The following KATNA1 variants were observed in gnomAD, a reference collection of about 807,000 sequenced individuals.
KATNA1 encodes katanin p60 ATPase-containing subunit A1.
In KATNA1, 42 loss-of-function variants were observed where a neutral mutation model predicts 62.6. The ratio of observed to expected loss-of-function variants is 0.67; its 90% CI spans 0.52 to 0.87. The LOEUF (loss-of-function observed/expected upper bound fraction) is 0.87, where lower values mean the gene tolerates loss of function less well. KATNA1 is among the 40% of genes least tolerant of loss of function. The pLI, the probability that KATNA1 is intolerant of heterozygous loss-of-function variation, is 0.00. For synonymous variants in KATNA1, 186 were observed against 201.9 expected (o/e 0.92, Z 0.67); for missense variants, 498 against 612.5 (o/e 0.81, Z 1.97).
chr6:149,625,112 C>G (rs1562294128), intron 3 of KATNA1, among the ~76,000 whole-genome samples: 2 of 152,006 alleles, frequency 1.3e-5, no homozygotes, highest in African/African-American at 4.8e-5. Flanking sequence ...TGGTTCGGTC[C>G]ATAGAAGATA....
chr6:149,627,157 C>G (rs1779644204), intron 3 of KATNA1, among the ~76,000 whole-genome samples: 1 of 151,196 alleles, frequency 6.6e-6, no homozygotes, highest in African/African-American at 2.4e-5. Context: ...CACTTTGAGG[C>G]TGAGGCAGGT....
chr6:149,625,627 C>G (rs971416048), intron 3 of KATNA1, among the ~76,000 whole-genome samples: 7 of 151,036 alleles, frequency 4.6e-5, no homozygotes, highest in African/African-American at 1.7e-4. Flanking sequence ...ACGACTGTCT[C>G]AAAAAGAAAG....
chr6:149,640,292 A>G (rs1015522671), intron 1 of KATNA1, among the ~76,000 whole-genome samples: 5 of 151,886 alleles, frequency 3.3e-5, no homozygotes, highest in Non-Finnish European at 7.4e-5. Flanking sequence ...CCCCATCTCT[A>G]CAAAAAATAC....
intron 3 of KATNA1, among the ~76,000 whole-genome samples, chr6:149,627,253 C>A (rs764117983): frequency 6.6e-6 from 1 of 151,038 alleles, no homozygotes; most frequent in Non-Finnish European, 1.5e-5. Context: ...ATTTGGCTGG[C>A]CGTGGTGGCT....
intron 1 of KATNA1, among the ~76,000 whole-genome samples, chr6:149,640,138 T>C (rs1780224814): frequency 6.6e-6 from 1 of 152,356 alleles, no homozygotes; most frequent in East Asian, 1.9e-4. Flanking sequence ...TAAATGGCTA[T>C]TTAAAGTACT....
chr6:149,641,956 G>A (rs1234611920), intron 1 of KATNA1, among the ~76,000 whole-genome samples: 1 of 152,196 alleles, frequency 6.6e-6, no homozygotes, highest in East Asian at 1.9e-4. Context: ...AGGCTGGAGT[G>A]CAGTGGTGTG....
intron 2 of KATNA1, among the ~76,000 whole-genome samples, chr6:149,633,891 G>C (rs1442060655): frequency 6.6e-6 from 1 of 151,518 alleles, no homozygotes; most frequent in African/African-American, 2.4e-5. Context: ...GGGAGGCGGA[G>C]GTTGCGGCAA....
In KATNA1 at chr6:149,629,704, T is replaced by G. The variant is rs577492918; in HGVS notation, c.320+3055A>C. On this transcript the variant is annotated intron_variant, in intron 3 of 10. Coordinates refer to ENST00000367411, the MANE Select transcript of KATNA1 (RefSeq NM_007044.4). ...ATTTTTACAACCATTCAGTGCAACT[T>G]TATTTATAATAATGAAAAAAGAAGG... 2.6e-5 allele frequency among the ~76,000 whole-genome samples: 4 copies of G among 152,136 alleles called. No individual in the cohort carries two copies. In the East Asian group the frequency reaches 7.7e-4, roughly 29 times the overall value.
chr6:149,617,528 G>A (rs1270355894), intron 4 of KATNA1, among the ~76,000 whole-genome samples: 6 of 152,180 alleles, frequency 3.9e-5, no homozygotes, highest in East Asian at 1.9e-4. Context: ...CTGGCCAGGC[G>A]CAGTGGCTCA....
chr6:149,641,990 CCT>C (rs771040973), intron 1 of KATNA1, among the ~76,000 whole-genome samples: 23 of 151,708 alleles, frequency 1.5e-4, no homozygotes, highest in Non-Finnish European at 1.2e-4. Flanking sequence ...GCAACCTCTG[CCT>C]CCCAGGTTCA....
Position 149,648,556 on chromosome 6 carries a change from G to A in KATNA1, c.-101C>T, listed in dbSNP as rs1296778678. 6 of 152,384 alleles carry A rather than the reference G, an allele frequency of 3.9e-5. No individual in the cohort carries two copies. In the East Asian group the frequency reaches 1.2e-3, roughly 29 times the overall value. The allele number at this position is 152,384 out of a possible 1,614,324, so 9.4% of individuals were successfully genotyped here. A position where few individuals can be genotyped will look rare whatever the true frequency, so the allele number is the denominator to read the frequency against. On this transcript the variant is annotated 5_prime_UTR_variant, in exon 1 of 11. Transcript: ENST00000367411. The stretch of plus-strand genomic sequence containing the variant: ...GAGATCCCGGCAGCGAGGAAGGAGG[G>A]CCTGACCCAGTCCAGCCCACTTTGC...
At chr6:149,604,062 C>G (rs1294828392) in intron 5 of KATNA1, among the ~76,000 whole-genome samples, 1 of 152,140 alleles carries the variant, frequency 6.6e-6, no homozygotes, top group Non-Finnish European at 1.5e-5. Context: ...CATTGTAATA[C>G]ATTACAGATC....
chr6:149,621,762 G>A (rs562914649), intron 4 of KATNA1, among the ~76,000 whole-genome samples: 1 of 151,966 alleles, frequency 6.6e-6, no homozygotes, highest in African/African-American at 2.4e-5. Flanking sequence ...CAAAGTGCTG[G>A]GATTACAGGC....
At chr6:149,647,340 G>A (rs1327259739) in intron 1 of KATNA1, among the ~76,000 whole-genome samples, 2 of 151,580 alleles carry the variant, frequency 1.3e-5, no homozygotes, top group African/African-American at 2.4e-5. Context: ...TGGCCAACAT[G>A]GTGAAACCCC....
chr6:149,607,950 C>G (rs901303096), intron 4 of KATNA1, among the ~76,000 whole-genome samples: 8 of 152,078 alleles, frequency 5.3e-5, no homozygotes, highest in African/African-American at 1.9e-4. Context: ...CCTGTAATCC[C>G]AGCTGCTCGG....
At chr6:149,620,636 A>G (rs989677654) in intron 4 of KATNA1, among the ~76,000 whole-genome samples, 1 of 152,208 alleles carries the variant, frequency 6.6e-6, no homozygotes, top group African/African-American at 2.4e-5. Context: ...ATTTTCAAAT[A>G]ACTAGAAGAA....
chr6:149,611,394 G>T (rs1212404549), intron 4 of KATNA1, among the ~76,000 whole-genome samples: 2 of 150,184 alleles, frequency 1.3e-5, no homozygotes, highest in Non-Finnish European at 3.0e-5. Context: ...CCTGGGAGGT[G>T]GAGGTTGCAG....
chr6:149,613,539 T>C (rs1779048121), intron 4 of KATNA1, among the ~76,000 whole-genome samples: 1 of 152,048 alleles, frequency 6.6e-6, no homozygotes, highest in Non-Finnish European at 1.5e-5. Flanking sequence ...AAGATAAACA[T>C]ATAAAAATCA....
intron 4 of KATNA1, among the ~76,000 whole-genome samples, chr6:149,613,322 T>C (rs1256985430): frequency 1.3e-5 from 2 of 149,782 alleles, no homozygotes; most frequent in African/African-American, 4.9e-5. Flanking sequence ...AGCAAGGACA[T>C]CTACTTTGTC....
Sources: gnomAD v4.1 joint callset for allele counts (sites outside exome capture counted in the v4.1 genomes callset) on GRCh38, gnomAD v4.1.1 for gene constraint, MANE v1.5 for transcripts, NCBI Gene and HGNC (gene_info 2026-07-23, HGNC 2026-07-21) for gene names.